MESD: variants seen among roughly 807,000 people sequenced by gnomAD.
The protein encoded by MESD is LRP chaperone MESD.
Under a neutral mutation model 12.9 loss-of-function variants are expected in MESD, and 7 were observed. That is an observed-to-expected ratio of 0.54 (90% CI 0.31 to 1.02). The LOEUF (loss-of-function observed/expected upper bound fraction) is 1.02. MESD is among the 50% of genes least tolerant of loss of function. The pLI is 0.05. For missense variants in MESD, 342 were observed against 296.7 expected (o/e 1.15, Z -1.12); for synonymous variants, 126 against 115.6 (o/e 1.09, Z -0.58).
At position 80,979,190 on chromosome 15, in the gene MESD, TC is replaced by T. The variant is rs752692483; in HGVS notation, c.*28del. 2 of 1,599,500 alleles carry T rather than the reference TC, an allele frequency of 1.3e-6. No individual in the cohort carries two copies. The highest frequency in any genetic ancestry group is 1.7e-5 in the Admixed American group (1 of 58,838). ...GCAAAGAGCTCTCCACGTCCACCTG[TC>T]CCCCCACAGCGCGTCACTGCTGCCC... On this transcript the variant is annotated 3_prime_UTR_variant, in exon 3 of 3. Transcript: ENST00000261758.
At chr15:80,957,173 T>TTG (rs1335551800) in intron 3 of MESD, among the ~76,000 whole-genome samples, 1 of 152,104 alleles carries the variant, frequency 6.6e-6, no homozygotes, top group Non-Finnish European at 1.5e-5. Flanking sequence ...GTTTTAGACA[T>TTG]TAACAGAGTT....
At chr15:80,965,807 G>A (rs1902165046) in intron 3 of MESD, among the ~76,000 whole-genome samples, 1 of 152,186 alleles carries the variant, frequency 6.6e-6, no homozygotes, top group Non-Finnish European at 1.5e-5. Context: ...CTATTGTGGG[G>A]TAGGGGACTG....
At chr15:80,984,917 G>T (rs1201972000) in intron 1 of MESD, among the ~76,000 whole-genome samples, 1 of 152,236 alleles carries the variant, frequency 6.6e-6, no homozygotes, top group Non-Finnish European at 1.5e-5. Context: ...CGCAGTGCTT[G>T]AAGGTGATCC....
At position 80,989,644 on chromosome 15, in the gene MESD, T is replaced by A; in HGVS notation, c.148A>T (p.Lys50Ter). 1 of 1,613,922 alleles carries A rather than the reference T, an allele frequency of 6.2e-7. No homozygotes were observed. Among genetic ancestry groups the A allele is most frequent in the Non-Finnish European group, 8.5e-7 (1 of 1,179,994 alleles). Residue 50 changes from lysine to a stop codon, truncating the protein, a stop_gained, in exon 1 of 3, where the codon AAG (lysine) becomes TAG (stop). Coordinates refer to ENST00000261758, the MANE Select transcript of MESD (RefSeq NM_015154.3). LOFTEE classifies it high-confidence loss of function. ...TPDESTPPPR[K>*]KKKDIRDYND... ...TAATCGCGAATATCCTTCTTCTTCT[T>A]CCGGGGAGGTGGGGTAGACTCGTCG...
At chr15:80,965,480 G>A (rs534670679) in intron 3 of MESD, among the ~76,000 whole-genome samples, 10 of 152,338 alleles carry the variant, frequency 6.6e-5, no homozygotes, top group South Asian at 6.2e-4. Flanking sequence ...TATAAATCAT[G>A]TTGCTATAAA....
At chr15:80,975,217 AAAAC>A (rs1567123575), downstream of MESD, among the ~76,000 whole-genome samples, 3 of 149,030 alleles carry the variant, frequency 2.0e-5, no homozygotes, top group Admixed American at 6.8e-5. Flanking sequence ...CCAAAAAAAA[AAAAC>A]AAAAAAAAAA....
At chr15:80,981,918 A>AT in intron 2 of MESD, 32 bp downstream of exon 2, 1 of 1,398,824 alleles carries the variant, frequency 7.1e-7, no homozygotes, top group Non-Finnish European at 1.0e-6. Flanking sequence ...AGCACAGCCT[A>AT]TGAGTCTCTC....
chr15:80,982,042 G>C lies in MESD; in HGVS notation c.354C>G (p.Val118=). The C allele has an allele frequency of 6.2e-7, 1 of 1,614,126 alleles. No homozygotes were observed. The highest frequency in any genetic ancestry group is 2.2e-5 in the East Asian group (1 of 44,878). Residue 118 remains valine, a synonymous_variant, in exon 2 of 3, where the codon GTC becomes GTG. Transcript: ENST00000261758. The part of the protein sequence containing the change: ...TKKGKTLMMF[V]TVSGSPTEKE... ...TCTCAGTAGGGCTTCCTGATACAGTGACAAACATCATGAGAGTCTTCCCTT... is the reference window on the plus strand; with the variant it reads ...TCTCAGTAGGGCTTCCTGATACAGTCACAAACATCATGAGAGTCTTCCCTT...
At chr15:80,950,395 C>T (rs939201805) in intron 4 of MESD, 1 of 152,264 alleles carries the variant, frequency 6.6e-6, no homozygotes, top group Non-Finnish European at 1.5e-5. Flanking sequence ...CAAGTCCCCT[C>T]GAAGGAAAGG....
At chr15:80,988,887 T>A (rs1218819114) in intron 1 of MESD, among the ~76,000 whole-genome samples, 1 of 129,964 alleles carries the variant, frequency 7.7e-6, no homozygotes, top group Non-Finnish European at 1.5e-5. Context: ...AATCTTTACC[T>A]TAAAGCGTAT....
downstream of MESD, chr15:80,946,474 T>TGGTTTTA (rs1901557086): frequency 5.9e-6 from 1 of 168,496 alleles, no homozygotes; most frequent in African/African-American, 2.4e-5. Flanking sequence ...AGCTCCTGGA[T>TGGTTTTA]GGTTTTATGA....
Position 80,976,738 on chromosome 15 carries a change from A to G in MESD, c.*2481T>C, listed in dbSNP as rs1173342347. On this transcript the variant is annotated 3_prime_UTR_variant, in exon 3 of 3. Transcript: ENST00000261758. ...GGAATTTACCTTTCAGATATAAACA[A>G]AAGTGTACCGAAATATTTTGTATGA... 6.6e-6 allele frequency: 1 copy of G among 152,236 alleles called. No individual in the cohort carries two copies. Among genetic ancestry groups the G allele is most frequent in the East Asian group, 1.9e-4 (1 of 5,194 alleles). The allele number at this position is 152,236 out of a possible 1,614,324, so 9.4% of individuals were successfully genotyped here. A position where few individuals can be genotyped will look rare whatever the true frequency, so the allele number is the denominator to read the frequency against.
chr15:80,965,960 AAAAAG>A (rs751272628), intron 3 of MESD, among the ~76,000 whole-genome samples: 11 of 152,232 alleles, frequency 7.2e-5, no homozygotes, highest in African/African-American at 1.9e-4. Context: ...AATAATAAAA[AAAAAG>A]AAAAGAAAAA....
chr15:80,988,055 A>C (rs1176898407), intron 1 of MESD, among the ~76,000 whole-genome samples: 1 of 152,236 alleles, frequency 6.6e-6, no homozygotes, highest in Non-Finnish European at 1.5e-5. Flanking sequence ...TGCAGTTTCT[A>C]GCTTAATCCA....
At chr15:80,981,861 AATC>A (rs947512262) in intron 2 of MESD, 86 bp downstream of exon 2, 125 of 1,013,146 alleles carry the variant, frequency 1.2e-4, no homozygotes, top group African/African-American at 2.3e-4. Context: ...GTCTCAAAAA[AATC>A]ATCATCATCA....
chr15:80,959,157 A>G (rs1021079081), intron 3 of MESD, among the ~76,000 whole-genome samples: 1 of 152,240 alleles, frequency 6.6e-6, no homozygotes, highest in Admixed American at 6.5e-5. Flanking sequence ...CTCACAGGTC[A>G]TCCAGCTGCT....
At chr15:80,987,942 A>G (rs913491479) in intron 1 of MESD, among the ~76,000 whole-genome samples, 10 of 152,242 alleles carry the variant, frequency 6.6e-5, no homozygotes, top group Admixed American at 5.9e-4. Context: ...CAGCCAACAT[A>G]AGGAGACCCT....
intron 3 of MESD, among the ~76,000 whole-genome samples, chr15:80,958,506 A>G: frequency 6.6e-6 from 1 of 151,866 alleles, no homozygotes; most frequent in East Asian, 1.9e-4. Context: ...AATTTTTTCT[A>G]TTTTTTGGTA....
rs1392910927 is a variant in MESD, at chr15:80,977,102, C to A, written c.*2117G>T. 1 of 154,378 alleles carries A rather than the reference C, an allele frequency of 6.5e-6. No individual in the cohort carries two copies. The highest frequency in any genetic ancestry group is 1.9e-4 in the East Asian group (1 of 5,264). The allele number at this position is 154,378 out of a possible 1,614,324, so 9.6% of individuals were successfully genotyped here. On this transcript the variant is annotated 3_prime_UTR_variant, in exon 3 of 3. Coordinates refer to ENST00000261758, the MANE Select transcript of MESD (RefSeq NM_015154.3). ...TGGGCCTGCACTGGGCCCCAGCCTC[C>A]CCGCTGGCCTTCCTGCTGCCTCTCC...
Sources: gnomAD v4.1 joint callset for allele counts (sites outside exome capture counted in the v4.1 genomes callset) on GRCh38, gnomAD v4.1.1 for gene constraint, MANE v1.5 for transcripts, NCBI Gene and HGNC (gene_info 2026-07-23, HGNC 2026-07-21) for gene names.